The following KCNK2 variants were observed in gnomAD, a reference collection of about 807,000 sequenced individuals.
The protein encoded by KCNK2 is potassium channel subfamily K member 2.
Under a neutral mutation model 40.5 loss-of-function variants are expected in KCNK2, and 21 were observed. That is an observed-to-expected ratio of 0.52 (90% CI 0.37 to 0.75). KCNK2 has a LOEUF of 0.75. Among genes scored for constraint, KCNK2 ranks in the 30% least tolerant of loss-of-function variants. KCNK2 has a pLI of 0.00. For missense variants in KCNK2, 399 were observed against 531.6 expected, an observed-to-expected ratio of 0.75 and a Z score of 2.45; for synonymous variants, 191 against 202.2, an observed-to-expected ratio of 0.94 and a Z score of 0.47.
At chr1:215,006,997 C>CTATATATATATATATATA (rs199497700) in intron 1 of KCNK2, among the ~76,000 whole-genome samples, 1 of 81,698 alleles carries the variant, frequency 1.2e-5, no homozygotes, top group African/African-American at 6.5e-5. Context: ...GACCAATTCA[C>CTATATATATATATATATA]TATATATATA....
At chr1:215,009,091 A>AT (rs574091490) in intron 1 of KCNK2, among the ~76,000 whole-genome samples, 5 of 151,694 alleles carry the variant, frequency 3.3e-5, no homozygotes, top group East Asian at 1.9e-4. Context: ...AGAAGAAATG[A>AT]TTTTTTTTTG....
At chr1:215,174,363 G>T (rs1179632339) in intron 5 of KCNK2, among the ~76,000 whole-genome samples, 1 of 152,080 alleles carries the variant, frequency 6.6e-6, no homozygotes, top group Non-Finnish European at 1.5e-5. Flanking sequence ...ATGCTGTTTT[G>T]GTTATTGTAG....
intron 3 of KCNK2, among the ~76,000 whole-genome samples, chr1:215,136,624 C>A (rs1472323053): frequency 6.6e-6 from 1 of 152,150 alleles, no homozygotes; most frequent in Non-Finnish European, 1.5e-5. Flanking sequence ...CAGGAGGGTT[C>A]TCCTCATTGT....
chr1:215,209,446 A>G (rs1183241485), intron 6 of KCNK2, among the ~76,000 whole-genome samples: 1 of 32,868 alleles, frequency 3.0e-5, no homozygotes, highest in African/African-American at 1.2e-4. Context: ...AAAATATATA[A>G]TATATATTAT....
chr1:215,078,246 A>T (rs1258795114), upstream of KCNK2, among the ~76,000 whole-genome samples: 1 of 152,206 alleles, frequency 6.6e-6, no homozygotes, highest in African/African-American at 2.4e-5. Context: ...TGTATTATAG[A>T]GTTGGAATTC....
At chr1:215,201,742 T>C (rs961100518) in intron 6 of KCNK2, among the ~76,000 whole-genome samples, 2 of 152,192 alleles carry the variant, frequency 1.3e-5, no homozygotes, top group African/African-American at 2.4e-5. Flanking sequence ...CGCTTACTGA[T>C]CTTTATAATG....
At chr1:215,126,629 A>G (rs1289943632) in intron 3 of KCNK2, among the ~76,000 whole-genome samples, 1 of 152,188 alleles carries the variant, frequency 6.6e-6, no homozygotes, top group Admixed American at 6.6e-5. Flanking sequence ...GTTGCCCTGT[A>G]TGTTTATAAA....
At chr1:215,187,865 AAAG>A (rs1487224870) in intron 5 of KCNK2, among the ~76,000 whole-genome samples, 1 of 151,834 alleles carries the variant, frequency 6.6e-6, no homozygotes, top group Non-Finnish European at 1.5e-5. Flanking sequence ...AAAAAAAAAA[AAAG>A]AGGAAAGAAA....
chr1:215,092,089 A>G (rs1286325184), intron 2 of KCNK2, among the ~76,000 whole-genome samples: 1 of 152,142 alleles, frequency 6.6e-6, no homozygotes, highest in Non-Finnish European at 1.5e-5. Flanking sequence ...GTGAGTAGAA[A>G]CAGGGGAGGC....
At chr1:215,045,545 A>C (rs778617394) in intron 1 of KCNK2, among the ~76,000 whole-genome samples, 1 of 152,356 alleles carries the variant, frequency 6.6e-6, no homozygotes, top group African/African-American at 2.4e-5. Flanking sequence ...AGGATTATGC[A>C]TATCTTGGGT....
At chr1:215,072,833 T>C (rs1247163137) in intron 1 of KCNK2, among the ~76,000 whole-genome samples, 2 of 152,208 alleles carry the variant, frequency 1.3e-5, no homozygotes, top group Non-Finnish European at 2.9e-5. Context: ...TATTGGAATT[T>C]GTTTTGGTCT....
At chr1:215,099,409 G>C (rs1168897890) in intron 2 of KCNK2, among the ~76,000 whole-genome samples, 1 of 151,856 alleles carries the variant, frequency 6.6e-6, no homozygotes, top group Non-Finnish European at 1.5e-5. Context: ...GATTCTTTTG[G>C]ATTTATTATA....
chr1:215,011,248 G>C (rs1656377215), intron 1 of KCNK2, among the ~76,000 whole-genome samples: 1 of 152,110 alleles, frequency 6.6e-6, no homozygotes, highest in East Asian at 1.9e-4. Flanking sequence ...ACCTTTTCCA[G>C]AATTTTAGTA....
At chr1:215,131,942 A>G (rs1661698344) in intron 3 of KCNK2, among the ~76,000 whole-genome samples, 1 of 152,200 alleles carries the variant, frequency 6.6e-6, no homozygotes, top group South Asian at 2.1e-4. Context: ...CTATTATGAT[A>G]ACAATCACAG....
At chr1:215,133,113 A>G (rs917538232) in intron 3 of KCNK2, among the ~76,000 whole-genome samples, 9 of 152,208 alleles carry the variant, frequency 5.9e-5, no homozygotes, top group African/African-American at 2.2e-4. Context: ...TCAGCAAGAG[A>G]AAGTTTGCAT....
intron 3 of KCNK2, among the ~76,000 whole-genome samples, chr1:215,159,270 G>T (rs940868918): frequency 1.3e-5 from 2 of 152,100 alleles, no homozygotes; most frequent in Non-Finnish European, 2.9e-5. Context: ...TGCCAGTCAT[G>T]GCAGATTCTT....
intron 3 of KCNK2, among the ~76,000 whole-genome samples, chr1:215,152,810 G>C (rs1386848810): frequency 6.6e-6 from 1 of 151,882 alleles, no homozygotes. Context: ...TGGAGTAATA[G>C]AGTTCTACCT....
chr1:215,198,997 C>G (rs949495839), intron 6 of KCNK2, among the ~76,000 whole-genome samples: 2 of 152,090 alleles, frequency 1.3e-5, no homozygotes, highest in African/African-American at 2.4e-5. Flanking sequence ...TGCCCTTATT[C>G]CATTTCTGTT....
At chr1:215,109,343 TC>T (rs901867548) in intron 2 of KCNK2, among the ~76,000 whole-genome samples, 137 of 152,172 alleles carry the variant, frequency 9.0e-4, no homozygotes, top group African/African-American at 3.1e-3. Flanking sequence ...CTCTCTTAAT[TC>T]CCCACCCCTC....
Sources: allele counts gnomAD v4.1 joint callset (sites outside exome capture counted in the v4.1 genomes callset), GRCh38; gene constraint gnomAD v4.1.1; transcripts MANE v1.5; gene names NCBI Gene and HGNC (gene_info 2026-07-23, HGNC 2026-07-21).